The following ZNF821 variants were observed in gnomAD, a reference collection of about 807,000 sequenced individuals.
ZNF821 encodes zinc finger protein 821.
Under a neutral mutation model 44.3 loss-of-function variants are expected in ZNF821, and 16 were observed. That is an observed-to-expected ratio of 0.36 (90% CI 0.24 to 0.55). The LOEUF (loss-of-function observed/expected upper bound fraction) is 0.55. ZNF821 is among the 20% of genes least tolerant of loss of function. The pLI, the probability that ZNF821 is intolerant of heterozygous loss-of-function variation, is 0.86. For synonymous variants in ZNF821, 204 were observed against 197.6 expected (o/e 1.03, Z -0.27); for missense variants, 436 against 547.6 (o/e 0.80, Z 2.03).
chr16:71,882,953 A>G (rs915796641), intron 2 of ZNF821, among the ~76,000 whole-genome samples: 2 of 152,206 alleles, frequency 1.3e-5, no homozygotes, highest in Non-Finnish European at 2.9e-5. Context: ...ATGTAAATAG[A>G]TAGCTGCCTG....
At chr16:71,882,577 T>A (rs1001705115) in intron 2 of ZNF821, among the ~76,000 whole-genome samples, 2 of 152,252 alleles carry the variant, frequency 1.3e-5, no homozygotes, top group East Asian at 3.9e-4. Flanking sequence ...CTTATAATCC[T>A]CCTAGTGGCC....
intron 1 of ZNF821, chr16:71,893,995 G>C (rs1003744565): frequency 2.6e-5 from 4 of 151,774 alleles, no homozygotes; most frequent in African/African-American, 9.7e-5. Context: ...GGTCAGGCTG[G>C]TCTTGAACTC....
upstream of ZNF821, among the ~76,000 whole-genome samples, chr16:71,887,504 G>A (rs1226980718): frequency 3.3e-5 from 5 of 152,146 alleles, no homozygotes; most frequent in South Asian, 2.1e-4. Flanking sequence ...CTCGTGATCC[G>A]CCCGCCTCGG....
At chr16:71,892,336 G>A (rs945174516) in intron 1 of ZNF821, among the ~76,000 whole-genome samples, 1 of 151,064 alleles carries the variant, frequency 6.6e-6, no homozygotes, top group East Asian at 2.0e-4. Flanking sequence ...GCGCGATCTC[G>A]GCTCACTGCA....
At chr16:71,894,551 T>C (rs1326341730) in intron 1 of ZNF821, 3 of 297,576 alleles carry the variant, frequency 1.0e-5, no homozygotes, top group East Asian at 6.7e-5. Context: ...CGGCCCTTTT[T>C]CTTTTTTTCT....
At chr16:71,861,689 A>G (rs1211071260) in intron 7 of ZNF821, 87 bp downstream of exon 7, 17 of 1,548,548 alleles carry the variant, frequency 1.1e-5, no homozygotes, top group Non-Finnish European at 1.2e-5. Context: ...TGCATTACCT[A>G]TTTCTAGCCT....
chr16:71,866,604 CGCT>C (rs1189808922), intron 4 of ZNF821, among the ~76,000 whole-genome samples: 1 of 152,098 alleles, frequency 6.6e-6, no homozygotes, highest in Non-Finnish European at 1.5e-5. Context: ...AAATATATCT[CGCT>C]ACTAGAAAAA....
rs773665910 is a variant in ZNF821, at chr16:71,860,348, G to A, written c.909C>T (p.Ala303=). 3 of 1,611,752 alleles carry A rather than the reference G, an allele frequency of 1.9e-6. No individual in the cohort carries two copies. The highest frequency in any genetic ancestry group is 1.7e-6 in the Non-Finnish European group (2 of 1,180,004). Residue 303 remains alanine, a synonymous_variant, in exon 8 of 8, where the codon GCC becomes GCT. Transcript: ENST00000425432. This position sits in a 1 kb window ranked among gnomAD's most constrained non-coding sequence, Gnocchi z 7.3. ...REVRRMRDRE[A]KRLQRMQETD... ...TCTCCTGCATGCGCTGCAAGCGCTT[G>A]GCTTCACGGTCCCTCATGCGCCTCA... is the stretch of plus-strand genomic sequence containing the variant.
intron 4 of ZNF821, among the ~76,000 whole-genome samples, chr16:71,865,395 T>C (rs890231113): frequency 1.3e-5 from 2 of 152,192 alleles, no homozygotes; most frequent in Non-Finnish European, 2.9e-5. Context: ...ATTCCCACTG[T>C]ACACCACCTC....
chr16:71,889,534 G>A (rs767871325), upstream of ZNF821, among the ~76,000 whole-genome samples: 5 of 152,034 alleles, frequency 3.3e-5, no homozygotes, highest in Non-Finnish European at 7.4e-5. Flanking sequence ...TTAGCCGGGT[G>A]TGGTGGTGCA....
rs970296876 is a variant in ZNF821 at position 71,883,957 on chromosome 16, G to T, written c.-190C>A. Reference sequence around the variant, plus strand: ...CTCTGGGTCCCTGGGCCCCGCCTCCGGACAGACGGACCGCCGGACAATGGA... The same window carrying T: ...CTCTGGGTCCCTGGGCCCCGCCTCCTGACAGACGGACCGCCGGACAATGGA... On this transcript the variant is annotated 5_prime_UTR_variant, in exon 1 of 8. Transcript: ENST00000425432. 2.0e-4 allele frequency: 30 copies of T among 152,236 alleles called. No homozygotes were observed. The highest frequency in any genetic ancestry group is 1.7e-3 in the Admixed American group (26 of 15,302). The allele number at this position is 152,236 out of a possible 1,614,324, so 9.4% of individuals were successfully genotyped here. A position where few individuals can be genotyped will look rare whatever the true frequency, so the allele number is the denominator to read the frequency against.
In ZNF821 at chr16:71,884,146, T is replaced by G. The variant is rs1161675425; in HGVS notation, c.-379A>C. 1 of 151,964 alleles carries G rather than the reference T, an allele frequency of 6.6e-6. No homozygotes were observed. Among genetic ancestry groups the G allele is most frequent in the African/African-American group, 2.4e-5 (1 of 41,364 alleles). 9.4% of individuals were successfully genotyped at this position (151,964 alleles called of 1,614,324 possible). ...ACAGACAGACGGAGGGGGAAAAAGATGGCGACGCGGGCGGCGGGAGCGCGC... is the reference window on the plus strand; with the variant it reads ...ACAGACAGACGGAGGGGGAAAAAGAGGGCGACGCGGGCGGCGGGAGCGCGC... On this transcript the variant is annotated 5_prime_UTR_variant, in exon 1 of 8. Coordinates refer to ENST00000425432, the MANE Select transcript of ZNF821 (RefSeq NM_001201552.2).
chr16:71,888,615 C>T (rs1322911472), upstream of ZNF821, among the ~76,000 whole-genome samples: 1 of 152,112 alleles, frequency 6.6e-6, no homozygotes, highest in African/African-American at 2.4e-5. Flanking sequence ...ACTCTCAGTT[C>T]TATTCCATTG....
chr16:71,886,741 G>A (rs893220489), upstream of ZNF821, among the ~76,000 whole-genome samples: 16 of 152,130 alleles, frequency 1.1e-4, no homozygotes, highest in African/African-American at 3.9e-4. Context: ...TCACAGGGTT[G>A]ACAACATCAC....
chr16:71,887,164 G>A (rs1483818113), upstream of ZNF821, among the ~76,000 whole-genome samples: 1 of 151,568 alleles, frequency 6.6e-6, no homozygotes, highest in Non-Finnish European at 1.5e-5. Flanking sequence ...TACAGTTTTT[G>A]TGTAAACATA....
At chr16:71,871,972 C>T (rs1411548840) in intron 3 of ZNF821, among the ~76,000 whole-genome samples, 3 of 152,068 alleles carry the variant, frequency 2.0e-5, no homozygotes, top group Non-Finnish European at 4.4e-5. Context: ...GTTGGGATTA[C>T]AGGCAAGCAC....
chr16:71,890,627 TC>T (rs926023418), intron 1 of ZNF821: 8 of 151,920 alleles, frequency 5.3e-5, no homozygotes, highest in Non-Finnish European at 1.0e-4. Flanking sequence ...CCTCAAGTGA[TC>T]CCCCTGCCTT....
intron 1 of ZNF821, chr16:71,891,384 G>A (rs940316717): frequency 3.3e-5 from 5 of 152,182 alleles, no homozygotes; most frequent in Non-Finnish European, 7.3e-5. Context: ...GTTCAGCCAG[G>A]GACAGAGATA....
intron 3 of ZNF821, among the ~76,000 whole-genome samples, chr16:71,873,127 C>T (rs751866977): frequency 2.0e-5 from 3 of 152,110 alleles, no homozygotes; most frequent in Non-Finnish European, 2.9e-5. Flanking sequence ...TTTGAGACCA[C>T]CCTGGCCAAC....
Sources: allele counts gnomAD v4.1 joint callset (sites outside exome capture counted in the v4.1 genomes callset), GRCh38; gene constraint gnomAD v4.1.1; non-coding constraint Gnocchi (gnomAD v3.1); transcripts MANE v1.5; gene names NCBI Gene and HGNC (gene_info 2026-07-23, HGNC 2026-07-21).